Variants in GJA9 observed in about 807,000 individuals in gnomAD.
The protein encoded by GJA9 is gap junction alpha-9 protein.
A neutral mutation model predicts 0.4 loss-of-function variants in GJA9; 1 was observed. That is an observed-to-expected ratio of 2.50 (90% CI 0.89 to 11.88). The LOEUF (loss-of-function observed/expected upper bound fraction) is 11.88. Among genes scored for constraint, GJA9 ranks in the 30% most tolerant of loss-of-function variants. The pLI, the probability that GJA9 is intolerant of heterozygous loss-of-function variation, is 0.12. For missense variants in GJA9, 550 were observed against 602.8 expected, an observed-to-expected ratio of 0.91 and a Z score of 0.92; for synonymous variants, 190 against 219.1, an observed-to-expected ratio of 0.87 and a Z score of 1.17.
intron 1 of GJA9, among the ~76,000 whole-genome samples, chr1:38,877,173 G>A (rs1642602880): frequency 1.3e-5 from 2 of 151,170 alleles, no homozygotes; most frequent in African/African-American, 4.9e-5. Flanking sequence ...CTGAGTAGCT[G>A]TGATTACAGG....
In GJA9 at chr1:38,874,816, G is replaced by A. The variant is rs901830756; in HGVS notation, c.1283C>T (p.Ser428Phe). Residue 428 changes from serine to phenylalanine, a missense_variant, in exon 2 of 2, where the codon TCC becomes TTC. Ser to Phe is a radical substitution (Grantham distance 155). Transcript: ENST00000357771. ...KPRWLRATWG[S>F]STEHENRGSP... is the part of the protein sequence containing the mutation. ...CCCCCGGTTTTCATGTTCTGTAGAG[G>A]AACCCCATGTAGCTCTAAGCCACCG... is the stretch of plus-strand genomic sequence containing the variant. 7.4e-6 allele frequency: 12 copies of A among 1,614,126 alleles called. 1 individual carries two copies. In the South Asian group the frequency reaches 1.2e-4, roughly 16 times the overall value.
chr1:38,880,256 T>G (rs1642667211), intron 1 of GJA9, among the ~76,000 whole-genome samples: 2 of 146,320 alleles, frequency 1.4e-5, no homozygotes, highest in African/African-American at 5.0e-5. Context: ...ATACAAAAAT[T>G]AGTCGGGCGT....
Position 38,874,358 on chromosome 1 carries a change from T to A in GJA9, c.*193A>T. On this transcript the variant is annotated 3_prime_UTR_variant, in exon 2 of 2. Coordinates refer to ENST00000357771, the MANE Select transcript of GJA9 (RefSeq NM_030772.5). Reference sequence around the variant, plus strand: ...AAAAAAAAAATCCTGATTTGACAACTCTATGTCTTTGAATTTAGAAGTGTT... The same window carrying A: ...AAAAAAAAAATCCTGATTTGACAACACTATGTCTTTGAATTTAGAAGTGTT... 2 of 545,714 alleles carry A rather than the reference T, an allele frequency of 3.7e-6. No homozygotes were observed. Among genetic ancestry groups the A allele is most frequent in the South Asian group, 5.2e-5 (2 of 38,172 alleles). The allele number at this position is 545,714 out of a possible 1,614,324, so 33.8% of individuals were successfully genotyped here. A position where few individuals can be genotyped will look rare whatever the true frequency, so the allele number is the denominator to read the frequency against.
chr1:38,880,402 C>CAAAA lies in GJA9; in HGVS notation c.-96+1026_-96+1029dup, dbSNP rs1267872139. 1.6e-3 allele frequency among the ~76,000 whole-genome samples: 126 copies of CAAAA among 79,898 alleles called. 9 individuals are homozygous for CAAAA. The highest frequency in any genetic ancestry group is 2.5e-3 in the Non-Finnish European group (84 of 33,404). The allele number at this position is 79,898 out of a possible 152,430, so 52.4% of individuals were successfully genotyped here. A position where few individuals can be genotyped will look rare whatever the true frequency, so the allele number is the denominator to read the frequency against. ...TGGGCGACAGAGCAAGACTCTGTCT[C>CAAAA]AAAAAAAAATAAATAATAATAATAA... On this transcript the variant is annotated intron_variant, in intron 1 of 1. Coordinates refer to ENST00000357771, the MANE Select transcript of GJA9 (RefSeq NM_030772.5).
Position 38,880,412 on chromosome 1 carries a change from TAAA to T in GJA9, c.-96+1017_-96+1019del, listed in dbSNP as rs1446829172. Among the ~76,000 whole-genome samples the T allele has an allele frequency of 6.7e-3, 505 of 74,926 alleles. 21 individuals are homozygous for T. Among genetic ancestry groups the T allele is most frequent in the African/African-American group, 0.025 (476 of 19,218 alleles). The allele number at this position is 74,926 out of a possible 152,430, so 49.2% of individuals were successfully genotyped here. ...AGCAAGACTCTGTCTCAAAAAAAAA[TAAA>T]TAATAATAATAATAATAATAATAAT... On this transcript the variant is annotated intron_variant, in intron 1 of 1. Coordinates refer to ENST00000357771, the MANE Select transcript of GJA9 (RefSeq NM_030772.5).
In GJA9 at chr1:38,874,286, A is replaced by G. The variant is rs185533147; in HGVS notation, c.*265T>C. The G allele has an allele frequency of 2.4e-6, 1 of 409,942 alleles. No homozygotes were observed. Among genetic ancestry groups the G allele is most frequent in the East Asian group, 4.9e-5 (1 of 20,606 alleles). 25.4% of individuals were successfully genotyped at this position (409,942 alleles called of 1,614,324 possible). A position where few individuals can be genotyped will look rare whatever the true frequency, so the allele number is the denominator to read the frequency against. Reference sequence around the variant, plus strand: ...AAACCATTTAGCCTCAATTCTGAACATGTGATTTTCCCAAAATCAGTTACA... The same window carrying G: ...AAACCATTTAGCCTCAATTCTGAACGTGTGATTTTCCCAAAATCAGTTACA... On this transcript the variant is annotated 3_prime_UTR_variant, in exon 2 of 2. Coordinates refer to ENST00000357771, the MANE Select transcript of GJA9 (RefSeq NM_030772.5).
intron 1 of GJA9, among the ~76,000 whole-genome samples, chr1:38,879,762 T>C (rs757020310): frequency 6.6e-5 from 10 of 152,156 alleles, no homozygotes; most frequent in Admixed American, 2.0e-4. Context: ...AGTCTCGCCC[T>C]GTCGCCCAGG....
chr1:38,875,941 ATGAAGCC>A lies in GJA9; in HGVS notation c.151_157del (p.Gly51SerfsTer30). On this transcript the variant is annotated frameshift_variant, in exon 2 of 2. Coordinates refer to ENST00000357771, the MANE Select transcript of GJA9 (RefSeq NM_030772.5). LOFTEE classifies it low-confidence loss of function (END_TRUNC). ...GCAGCCTGGTTGTTCTGTATTGCAG[ATGAAGCC>A]AGACTGCTCATCATTCCAGACATCT... 6.2e-7 allele frequency: 1 copy of A among 1,614,230 alleles called. No individual in the cohort carries two copies. Among genetic ancestry groups the A allele is most frequent in the Non-Finnish European group, 8.5e-7 (1 of 1,180,036 alleles).
At position 38,874,458 on chromosome 1, in the gene GJA9, C is replaced by T. The variant is rs558404782; in HGVS notation, c.*93G>A. 7 of 948,380 alleles carry T rather than the reference C, an allele frequency of 7.4e-6. No homozygotes were observed. Among genetic ancestry groups the T allele is most frequent in the Admixed American group, 4.6e-5 (2 of 43,262 alleles). The allele number at this position is 948,380 out of a possible 1,614,324, so 58.7% of individuals were successfully genotyped here. On this transcript the variant is annotated 3_prime_UTR_variant, in exon 2 of 2. Coordinates refer to ENST00000357771, the MANE Select transcript of GJA9 (RefSeq NM_030772.5). ...GCAGTTGTCTGTCTTAACAGCTGGTCTTTAGAGCTGCCCCTATCTATTTTT... is the reference window on the plus strand; with the variant it reads ...GCAGTTGTCTGTCTTAACAGCTGGTTTTTAGAGCTGCCCCTATCTATTTTT...
intron 1 of GJA9, among the ~76,000 whole-genome samples, chr1:38,878,985 G>A (rs1044049444): frequency 6.6e-6 from 1 of 151,890 alleles, no homozygotes; most frequent in Non-Finnish European, 1.5e-5. Context: ...CACCTGCCTC[G>A]GCCTCCCAAA....
chr1:38,877,658 C>G (rs576364907), intron 1 of GJA9, among the ~76,000 whole-genome samples: 9 of 151,962 alleles, frequency 5.9e-5, no homozygotes, highest in African/African-American at 9.7e-5. Context: ...CAACACCCCC[C>G]GGGATAATTT....
intron 1 of GJA9, chr1:38,876,419 G>A (rs1200906154): frequency 1.4e-5 from 4 of 291,268 alleles, no homozygotes; most frequent in African/African-American, 2.2e-5. Context: ...GGGACTGCAG[G>A]TGTGTGCAAC....
Position 38,875,748 on chromosome 1 carries a change from T to G in GJA9, c.351A>C (p.Glu117Asp). The change falls in exon 2 of 2, where the codon GAA (glutamate) becomes GAC (aspartate). Residue 117 changes from glutamate (E) to aspartate (D), a missense_variant. Coordinates refer to ENST00000357771, the MANE Select transcript of GJA9 (RefSeq NM_030772.5). ...GCATTTCAAACTCTACCTCCTCCAGTTCTACTCTTAACTGAGCTTTCATCC... is the reference window on the plus strand; with the variant it reads ...GCATTTCAAACTCTACCTCCTCCAGGTCTACTCTTAACTGAGCTTTCATCC... The part of the protein sequence containing the change: ...RQRMKAQLRV[E>D]LEEVEFEMPR... The G allele has an allele frequency of 6.2e-7, 1 of 1,614,246 alleles. No homozygotes were observed. The highest frequency in any genetic ancestry group is 8.5e-7 in the Non-Finnish European group (1 of 1,180,044).
At position 38,875,900 on chromosome 1, in the gene GJA9, C is replaced by A. The variant is rs202056633; in HGVS notation, c.199G>T (p.Asp67Tyr). 3.1e-6 allele frequency: 5 copies of A among 1,614,190 alleles called. No homozygotes were observed. The highest frequency in any genetic ancestry group is 4.2e-6 in the Non-Finnish European group (5 of 1,180,038). The change falls in exon 2 of 2, where the codon GAC becomes TAC. Residue 67 changes from aspartate to tyrosine, a missense_variant. Transcript: ENST00000357771. ...ATGAGGGAGATAGGAAAGGCCTGGTCGTAGCATACATTTCTGCAGCCTGGT... is the reference window on the plus strand; with the variant it reads ...ATGAGGGAGATAGGAAAGGCCTGGTAGTAGCATACATTTCTGCAGCCTGGT... ...EQPGCRNVCY[D>Y]QAFPISLIRY...
chr1:38,876,306 C>T, intron 1 of GJA9, 113 bp from the exon 2 acceptor site: 1 of 585,572 alleles, frequency 1.7e-6, no homozygotes, highest in Non-Finnish European at 3.1e-6. Flanking sequence ...CAGAGTCTCC[C>T]TCTGTTGCCC....
chr1:38,879,851 C>T (rs1642659273), intron 1 of GJA9, among the ~76,000 whole-genome samples: 1 of 151,944 alleles, frequency 6.6e-6, no homozygotes, highest in South Asian at 2.1e-4. Context: ...CTCAGCCTCT[C>T]CGGGTAGCTG....
chr1:38,875,103 C>A lies in GJA9; in HGVS notation c.996G>T (p.Glu332Asp), dbSNP rs1406579601. 1.2e-6 allele frequency: 2 copies of A among 1,614,122 alleles called. No individual in the cohort carries two copies. Among genetic ancestry groups the A allele is most frequent in the South Asian group, 1.1e-5 (1 of 91,078 alleles). Residue 332 changes from glutamate (E) to aspartate (D), a missense_variant, in exon 2 of 2, where the codon GAG becomes GAT. By Grantham distance (45) the Glu-to-Asp change is conservative. Coordinates refer to ENST00000357771, the MANE Select transcript of GJA9 (RefSeq NM_030772.5). ...LDEQETVLSN[E>D]ISTLSTSCSH... The stretch of plus-strand genomic sequence containing the variant: ...TACAACTAGTACTAAGTGTGGAAAT[C>A]TCATTAGAAAGTACAGTTTCCTGTT...
rs1285061295 is a variant in GJA9 at position 38,874,639 on chromosome 1, C to G, written c.1460G>C (p.Cys487Ser). 5 of 1,614,082 alleles carry G rather than the reference C, an allele frequency of 3.1e-6. No individual in the cohort carries two copies. Among genetic ancestry groups the G allele is most frequent in the Non-Finnish European group, 4.2e-6 (5 of 1,180,038 alleles). The change falls in exon 2 of 2, where the codon TGT becomes TCT. Residue 487 changes from cysteine to serine, a missense_variant. By Grantham distance (112) the Cys-to-Ser change is moderately radical. Coordinates refer to ENST00000357771, the MANE Select transcript of GJA9 (RefSeq NM_030772.5). ...LSFEPGLVRT[C>S]NNPVCPPNHV... Reference sequence around the variant, plus strand: ...ATTTGGAGGACAAACAGGATTATTACAGGTTCTGACCAACCCTGGCTCAAA... The same window carrying G: ...ATTTGGAGGACAAACAGGATTATTAGAGGTTCTGACCAACCCTGGCTCAAA...
Position 38,875,402 on chromosome 1 carries a change from G to A in GJA9, c.697C>T (p.Leu233=). Residue 233 remains leucine, a synonymous_variant, in exon 2 of 2, where the codon CTA becomes TTA. Transcript: ENST00000357771. ...LFLNILEIFH[L]GFKKIKRGLW... is the part of the protein sequence containing the mutation. The stretch of plus-strand genomic sequence containing the variant: ...CCTCTTTTAATCTTTTTAAAACCTA[G>A]GTGGAAAATTTCAAGAATGTTTAAG... 1 of 1,613,532 alleles carries A rather than the reference G, an allele frequency of 6.2e-7. No homozygotes were observed. The highest frequency in any genetic ancestry group is 8.5e-7 in the Non-Finnish European group (1 of 1,179,840).
Sources: allele counts gnomAD v4.1 joint callset (sites outside exome capture counted in the v4.1 genomes callset), GRCh38; gene constraint gnomAD v4.1.1; transcripts MANE v1.5; gene names NCBI Gene and HGNC (gene_info 2026-07-23, HGNC 2026-07-21).